The following DGKG variants were observed in gnomAD, a reference collection of about 807,000 sequenced individuals.
DGKG encodes the protein diacylglycerol kinase gamma.
In DGKG, 78 loss-of-function variants were observed where a neutral mutation model predicts 105.3. The ratio of observed to expected loss-of-function variants is 0.74; its 90% CI spans 0.62 to 0.89. The LOEUF is 0.89. Ranked by LOEUF, DGKG falls within the 40% of genes least tolerant of loss-of-function variation. DGKG has a pLI of 0.00. For synonymous variants in DGKG, 346 were observed against 367.1 expected, an observed-to-expected ratio of 0.94 and a Z score of 0.66; for missense variants, 958 against 1,020.1, an observed-to-expected ratio of 0.94 and a Z score of 0.83.
chr3:186,313,878 G>A (rs1724677435), intron 2 of DGKG, among the ~76,000 whole-genome samples: 1 of 151,580 alleles, frequency 6.6e-6, no homozygotes, highest in African/African-American at 2.4e-5. Context: ...ACCCTTCATG[G>A]GCCCAGGACT....
intron 1 of DGKG, among the ~76,000 whole-genome samples, chr3:186,355,767 T>C (rs73060009): frequency 0.053 from 8,027 of 151,884 alleles, 436 homozygotes; most frequent in African/African-American, 0.13. Context: ...ATTACCACCA[T>C]CATCACCACC....
intron 24 of DGKG, among the ~76,000 whole-genome samples, chr3:186,151,908 G>A (rs1049845110): frequency 6.6e-6 from 1 of 151,964 alleles, no homozygotes; most frequent in Non-Finnish European, 1.5e-5. Context: ...GTGAAACCCC[G>A]TTTGTACTAA....
chr3:186,152,515 C>T (rs2108467753), intron 24 of DGKG, among the ~76,000 whole-genome samples: 1 of 152,316 alleles, frequency 6.6e-6, no homozygotes, highest in East Asian at 1.9e-4. Flanking sequence ...CACCACGGCA[C>T]TCTCTGAGCC....
At chr3:186,275,144 G>A (rs1722518207) in intron 10 of DGKG, among the ~76,000 whole-genome samples, 1 of 152,188 alleles carries the variant, frequency 6.6e-6, no homozygotes, top group Non-Finnish European at 1.5e-5. Context: ...CTCCCAAAGT[G>A]CTGGGATTTC....
intron 1 of DGKG, among the ~76,000 whole-genome samples, chr3:186,351,800 G>C (rs1726642486): frequency 6.6e-6 from 1 of 152,182 alleles, no homozygotes; most frequent in African/African-American, 2.4e-5. Context: ...GACCATGACT[G>C]GTGCAGATCC....
At chr3:186,325,008 C>A (rs1725266963) in intron 1 of DGKG, among the ~76,000 whole-genome samples, 1 of 152,168 alleles carries the variant, frequency 6.6e-6, no homozygotes, top group African/African-American at 2.4e-5. Flanking sequence ...TGCACATATA[C>A]CATACAATAC....
intron 1 of DGKG, among the ~76,000 whole-genome samples, chr3:186,358,234 G>C (rs944425906): frequency 1.3e-5 from 2 of 152,260 alleles, no homozygotes; most frequent in African/African-American, 4.8e-5. Flanking sequence ...GGGGCTCATA[G>C]TTCAGTGGGA....
chr3:186,286,582 G>A (rs1476811574), intron 6 of DGKG, among the ~76,000 whole-genome samples: 1 of 152,096 alleles, frequency 6.6e-6, no homozygotes, highest in Middle Eastern at 3.2e-3. Context: ...CAATAGGTGT[G>A]GGATTTCAGG....
At chr3:186,185,099 T>C (rs1258666013) in intron 22 of DGKG, among the ~76,000 whole-genome samples, 1 of 152,212 alleles carries the variant, frequency 6.6e-6, no homozygotes, top group Non-Finnish European at 1.5e-5. Context: ...AGTCACACAC[T>C]AGCGACAGGC....
intron 21 of DGKG, among the ~76,000 whole-genome samples, chr3:186,208,446 A>AG (rs1718860786): frequency 5.9e-5 from 9 of 152,052 alleles, no homozygotes; most frequent in Admixed American, 2.0e-4. Flanking sequence ...AAAGAAGAAA[A>AG]AAAAAAGGAA....
intron 20 of DGKG, among the ~76,000 whole-genome samples, chr3:186,212,831 G>A (rs1458512840): frequency 1.3e-5 from 2 of 152,182 alleles, no homozygotes; most frequent in East Asian, 3.9e-4. Flanking sequence ...TTTTGCTAAG[G>A]AAGGATTAAA....
chr3:186,154,719 TG>T (rs1715949117), intron 24 of DGKG, among the ~76,000 whole-genome samples: 1 of 138,152 alleles, frequency 7.2e-6, no homozygotes, highest in Admixed American at 7.3e-5. Context: ...TTGCAGAGGG[TG>T]GGGAAGAAGT....
intron 21 of DGKG, among the ~76,000 whole-genome samples, chr3:186,205,496 G>A (rs1484534368): frequency 6.6e-6 from 1 of 152,088 alleles, no homozygotes; most frequent in African/African-American, 2.4e-5. Context: ...GGTCACCTGA[G>A]GTTAGGAGTT....
intron 19 of DGKG, among the ~76,000 whole-genome samples, chr3:186,248,036 CT>C (rs1300823139): frequency 6.6e-6 from 1 of 151,774 alleles, no homozygotes; most frequent in Non-Finnish European, 1.5e-5. Flanking sequence ...TTTTTTCCTA[CT>C]TTTTTTGCTA....
intron 22 of DGKG, among the ~76,000 whole-genome samples, chr3:186,168,698 A>G (rs538717963): frequency 6.6e-6 from 1 of 151,982 alleles, no homozygotes; most frequent in East Asian, 1.9e-4. Flanking sequence ...AATACAAAAA[A>G]CATTAGCCAG....
At chr3:186,258,000 A>G (rs13315397) in intron 16 of DGKG, 61 bp from the exon 17 acceptor site, 122,998 of 1,246,426 alleles carry the variant, frequency 0.099, 6,646 homozygotes, top group Non-Finnish European at 0.11. Context: ...ACATTGATAC[A>G]TGTTGAGTCA....
In DGKG at chr3:186,147,505, C is replaced by T; in HGVS notation, c.*2585G>A. 1.3e-5 allele frequency: 13 copies of T among 985,366 alleles called. No individual in the cohort carries two copies. Among genetic ancestry groups the T allele is most frequent in the Non-Finnish European group, 1.6e-5 (13 of 829,912 alleles). 61.0% of individuals were successfully genotyped at this position (985,366 alleles called of 1,614,324 possible). On this transcript the variant is annotated 3_prime_UTR_variant, in exon 25 of 25. Coordinates refer to ENST00000265022, the MANE Select transcript of DGKG (RefSeq NM_001346.3). ...GGATGATTTGCAAGGCACGATTAAA[C>T]AACAACACAAGATTTACTAAGGTTA...
intron 5 of DGKG, among the ~76,000 whole-genome samples, chr3:186,290,154 T>G (rs999943225): frequency 6.6e-6 from 1 of 152,158 alleles, no homozygotes; most frequent in Non-Finnish European, 1.5e-5. Flanking sequence ...CAAAAGTAAT[T>G]TTCTACTGGA....
chr3:186,210,554 A>G lies in DGKG; in HGVS notation c.1917+1241T>C, dbSNP rs1718986174. On this transcript the variant is annotated intron_variant, in intron 21 of 24. Coordinates refer to ENST00000265022, the MANE Select transcript of DGKG (RefSeq NM_001346.3). The surrounding 1 kb of genome is among the most constrained non-coding windows in gnomAD (Gnocchi z 5.2). ...AACCCAGCAACCGAAGAGGAGAGGCAGGCAGATGAGTCAAATGCAGCCGCA... is the reference window on the plus strand; with the variant it reads ...AACCCAGCAACCGAAGAGGAGAGGCGGGCAGATGAGTCAAATGCAGCCGCA... 4 of 452,696 alleles carry G rather than the reference A, an allele frequency of 8.8e-6. No individual in the cohort carries two copies. Among genetic ancestry groups the G allele is most frequent in the Non-Finnish European group, 1.8e-5 (4 of 226,074 alleles). The allele number at this position is 452,696 out of a possible 1,614,324, so 28.0% of individuals were successfully genotyped here. A position where few individuals can be genotyped will look rare whatever the true frequency, so the allele number is the denominator to read the frequency against.
Sources: gnomAD v4.1 joint callset for allele counts (sites outside exome capture counted in the v4.1 genomes callset) on GRCh38, gnomAD v4.1.1 for gene constraint, Gnocchi (gnomAD v3.1) non-coding constraint, MANE v1.5 for transcripts, NCBI Gene and HGNC (gene_info 2026-07-23, HGNC 2026-07-21) for gene names.